The following CHM variants were observed in gnomAD, a reference collection of about 807,000 sequenced individuals.
The protein encoded by CHM is rab proteins geranylgeranyltransferase component A 1.
Under a neutral mutation model 49.0 loss-of-function variants are expected in CHM, and 10 were observed. That is an observed-to-expected ratio of 0.20 (90% CI 0.13 to 0.35). The LOEUF is 0.35. Among genes scored for constraint, CHM ranks in the 10% least tolerant of loss-of-function variants. CHM has a pLI of 1.00. For synonymous variants in CHM, 184 were observed against 167.5 expected, an observed-to-expected ratio of 1.10 and a Z score of -0.76; for missense variants, 455 against 478.4, an observed-to-expected ratio of 0.95 and a Z score of 0.46.
chrX:85,864,986 G>T (rs1923596196), intron 14 of CHM, among the ~76,000 whole-genome samples, 165 bp from the exon 15 acceptor site: 1 of 111,787 alleles, frequency 8.9e-6, no homozygotes, highest in Admixed American at 9.5e-5. Context: ...TCTGTTTTCA[G>T]AATTCTATGA....
intron 4 of CHM, among the ~76,000 whole-genome samples, chrX:85,972,681 C>T (rs1208408647): frequency 3.5e-5 from 4 of 112,808 alleles, no homozygotes; most frequent in East Asian, 2.9e-4. Context: ...CACGCCCACC[C>T]GGAACTCCAG....
At position 85,861,368 on chromosome X, in the gene CHM, A is replaced by G. The variant is rs1357647994; in HGVS notation, c.*3262T>C. 1 of 111,711 alleles carries G rather than the reference A, an allele frequency of 9.0e-6. No homozygotes were observed. The highest frequency in any genetic ancestry group is 1.9e-5 in the Non-Finnish European group (1 of 53,116). The allele number at this position is 111,711 out of a possible 1,213,427, so 9.2% of individuals were successfully genotyped here. ...TTCCTACTGTAAAGAATCACCAACC[A>G]CTATTTAGCAATTAAATTTCAACAC... On this transcript the variant is annotated 3_prime_UTR_variant, in exon 15 of 15. Transcript: ENST00000357749.
At chrX:85,972,377 C>T (rs149893601) in intron 4 of CHM, among the ~76,000 whole-genome samples, 19,612 of 113,004 alleles carry the variant, frequency 0.17, 1,565 homozygotes, top group Middle Eastern at 0.25. Context: ...AGCCCTTGGG[C>T]GGTTGATGGG....
chrX:85,919,607 A>G (rs1014010760), intron 8 of CHM, among the ~76,000 whole-genome samples: 5 of 111,345 alleles, frequency 4.5e-5, no homozygotes, highest in African/African-American at 1.6e-4. Context: ...AAAAAAACAC[A>G]AGAATGTAAA....
intron 1 of CHM, among the ~76,000 whole-genome samples, chrX:86,031,777 T>TTGCG (rs1934056163): frequency 8.9e-6 from 1 of 111,787 alleles, no homozygotes; most frequent in African/African-American, 3.3e-5. Context: ...AAGGCAAAGG[T>TTGCG]TGCGGTGAGC....
At chrX:86,040,760 T>G (rs1435480949) in intron 1 of CHM, among the ~76,000 whole-genome samples, 1 of 112,007 alleles carries the variant, frequency 8.9e-6, no homozygotes, top group Non-Finnish European at 1.9e-5. Flanking sequence ...AAAAGCAGTA[T>G]CTGTGATAAA....
At chrX:86,047,255 T>A (rs1934686418) in intron 1 of CHM, 1 of 449,655 alleles carries the variant, frequency 2.2e-6, no homozygotes, top group Admixed American at 3.3e-5. Context: ...ACCTCAGCAA[T>A]CAGCATCGAC....
chrX:85,922,594 C>A (rs376205263), intron 8 of CHM, among the ~76,000 whole-genome samples: 2 of 112,554 alleles, frequency 1.8e-5, no homozygotes, highest in East Asian at 5.6e-4. Flanking sequence ...ATGCTCCTTG[C>A]CTTGTAAACT....
intron 8 of CHM, among the ~76,000 whole-genome samples, chrX:85,955,665 G>A (rs896396959): frequency 2.7e-5 from 3 of 111,998 alleles, no homozygotes; most frequent in Non-Finnish European, 3.8e-5. Flanking sequence ...AACTGAACAC[G>A]ATGTTGTAAA....
chrX:85,956,700 G>T (rs1187029962), intron 7 of CHM, among the ~76,000 whole-genome samples: 2 of 111,567 alleles, frequency 1.8e-5, no homozygotes, highest in African/African-American at 6.5e-5. Context: ...AAACCTGCAG[G>T]ATAATGCCAA....
At chrX:85,918,815 A>G (rs1238040090) in intron 8 of CHM, among the ~76,000 whole-genome samples, 1 of 112,189 alleles carries the variant, frequency 8.9e-6, no homozygotes, top group Non-Finnish European at 1.9e-5. Context: ...TAAAGGTTTC[A>G]ATTCAATAAA....
rs749035504 is a variant in CHM, at chrX:86,031,290, C to T, written c.50-3733G>A. On this transcript the variant is annotated intron_variant, in intron 1 of 14. Transcript: ENST00000357749. ...CTATAGTAAACAACACTGTATTGCACACTTAAAAATTTGTTAAGAGCAGGG... is the reference window on the plus strand; with the variant it reads ...CTATAGTAAACAACACTGTATTGCATACTTAAAAATTTGTTAAGAGCAGGG... 5.4e-5 allele frequency among the ~76,000 whole-genome samples: 6 copies of T among 111,294 alleles called. 1 individual carries two copies. Among genetic ancestry groups the T allele is most frequent in the Non-Finnish European group, 1.1e-4 (6 of 53,090 alleles).
chrX:85,995,166 AT>A (rs1344512000), intron 2 of CHM, among the ~76,000 whole-genome samples: 1 of 106,474 alleles, frequency 9.4e-6, no homozygotes. Flanking sequence ...ATATAATGAC[AT>A]TTGGTTTAAG....
intron 1 of CHM, among the ~76,000 whole-genome samples, chrX:86,032,253 A>T (rs1934071957): frequency 8.9e-6 from 1 of 112,448 alleles, no homozygotes; most frequent in African/African-American, 3.2e-5. Context: ...CAAATCCTAC[A>T]GCATTCCACT....
At chrX:86,002,251 G>C (rs866895822) in intron 2 of CHM, among the ~76,000 whole-genome samples, 1 of 112,001 alleles carries the variant, frequency 8.9e-6, no homozygotes, top group Middle Eastern at 4.6e-3. Flanking sequence ...AAAACCCTAG[G>C]GGGTGGTAAA....
At chrX:85,874,103 T>G (rs756557241) in intron 13 of CHM, among the ~76,000 whole-genome samples, 1 of 111,674 alleles carries the variant, frequency 9.0e-6, no homozygotes, top group South Asian at 3.8e-4. Flanking sequence ...AGATGCTCAG[T>G]AAATAATTTC....
At chrX:85,963,609 G>A (rs1489031887) in intron 5 of CHM, 56 bp downstream of exon 5, 1 of 1,042,204 alleles carries the variant, frequency 9.6e-7, no homozygotes, top group Non-Finnish European at 1.3e-6. Flanking sequence ...ACAAAAACTG[G>A]GTTTATGGGC....
At chrX:85,943,571 C>G (rs188227514) in intron 8 of CHM, among the ~76,000 whole-genome samples, 1 of 111,645 alleles carries the variant, frequency 9.0e-6, no homozygotes, top group Non-Finnish European at 1.9e-5. Flanking sequence ...AAGAATGCCC[C>G]GTATTCTCTC....
chrX:85,880,163 T>C (rs1489310129), intron 12 of CHM, among the ~76,000 whole-genome samples: 1 of 111,376 alleles, frequency 9.0e-6, no homozygotes, highest in East Asian at 2.8e-4. Flanking sequence ...TTCGGATGGT[T>C]CCTGAATTAC....
Sources: gnomAD v4.1 joint callset for allele counts (sites outside exome capture counted in the v4.1 genomes callset) on GRCh38, gnomAD v4.1.1 for gene constraint, MANE v1.5 for transcripts, NCBI Gene and HGNC (gene_info 2026-07-23, HGNC 2026-07-21) for gene names.